Variants in PREX1 observed in about 807,000 individuals in gnomAD.
The protein encoded by PREX1 is phosphatidylinositol 3,4,5-trisphosphate-dependent Rac exchanger 1 protein.
Under a neutral mutation model 198.3 loss-of-function variants are expected in PREX1, and 41 were observed. The ratio of observed to expected loss-of-function variants is 0.21; its 90% CI spans 0.16 to 0.27. PREX1 has a LOEUF of 0.27. Ranked by LOEUF, PREX1 falls within the 10% of genes least tolerant of loss-of-function variation. The pLI, the probability that PREX1 is intolerant of heterozygous loss-of-function variation, is 1.00. For missense variants in PREX1, 1,620 were observed against 2,200.7 expected, an observed-to-expected ratio of 0.74 and a Z score of 5.28; for synonymous variants, 843 against 887.2, an observed-to-expected ratio of 0.95 and a Z score of 0.89.
At chr20:48,741,415 A>G (rs1256603350) in intron 3 of PREX1, among the ~76,000 whole-genome samples, 2 of 152,030 alleles carry the variant, frequency 1.3e-5, no homozygotes, top group East Asian at 3.9e-4. Context: ...GCTGGAGTGC[A>G]GCGGCATGAT....
chr20:48,700,010 C>T (rs760133537), intron 7 of PREX1, among the ~76,000 whole-genome samples: 7 of 152,216 alleles, frequency 4.6e-5, no homozygotes, highest in Non-Finnish European at 1.0e-4. Context: ...CAGCCATCTG[C>T]GCCTCATCCC....
intron 5 of PREX1, among the ~76,000 whole-genome samples, chr20:48,723,888 G>A (rs543641082): frequency 2.6e-5 from 4 of 152,254 alleles, no homozygotes; most frequent in South Asian, 2.1e-4. Context: ...AATATGTCAC[G>A]GAAGCTGCAG....
intron 1 of PREX1, among the ~76,000 whole-genome samples, chr20:48,789,364 T>C (rs2090327118): frequency 6.6e-6 from 1 of 152,212 alleles, no homozygotes; most frequent in Non-Finnish European, 1.5e-5. Flanking sequence ...TGAGTAATAA[T>C]GATGGTAATA....
intron 1 of PREX1, among the ~76,000 whole-genome samples, chr20:48,765,255 G>A (rs994441882): frequency 6.6e-6 from 1 of 152,142 alleles, no homozygotes; most frequent in Non-Finnish European, 1.5e-5. Context: ...TTAGTAAGCT[G>A]CAAAATGCTT....
chr20:48,839,081 G>A, the PREX1 span, among the ~76,000 whole-genome samples: 1 of 151,094 alleles, frequency 6.6e-6, no homozygotes, highest in Non-Finnish European at 1.5e-5. Flanking sequence ...GATAATTATG[G>A]GTGTTTGTTT....
At chr20:48,876,608 G>A in the PREX1 span, among the ~76,000 whole-genome samples, 1 of 152,080 alleles carries the variant, frequency 6.6e-6, no homozygotes, top group Non-Finnish European at 1.5e-5. Context: ...TTTTCTTGTT[G>A]GAAGTCACAT....
intron 1 of PREX1, among the ~76,000 whole-genome samples, chr20:48,771,078 C>T (rs531323588): frequency 1.3e-5 from 2 of 152,150 alleles, no homozygotes; most frequent in South Asian, 2.1e-4. Context: ...GGAAATCACA[C>T]ATTCTGACAG....
At chr20:48,810,847 A>G (rs1386778895) in intron 1 of PREX1, among the ~76,000 whole-genome samples, 1 of 152,084 alleles carries the variant, frequency 6.6e-6, no homozygotes, top group Non-Finnish European at 1.5e-5. Context: ...AGATCGCACC[A>G]CTGCACTCCA....
At chr20:48,867,681 A>G in the PREX1 span, among the ~76,000 whole-genome samples, 1 of 145,710 alleles carries the variant, frequency 6.9e-6, no homozygotes, top group Non-Finnish European at 1.5e-5. Flanking sequence ...AGGCAGGAGA[A>G]TCGCTTGAGA....
At chr20:48,752,596 GGAAACTGAGGCACTC>G (rs1038820183) in intron 1 of PREX1, among the ~76,000 whole-genome samples, 4 of 152,182 alleles carry the variant, frequency 2.6e-5, no homozygotes, top group South Asian at 2.1e-4. Flanking sequence ...AGACAGATGA[GGAAACTGAGGCACTC>G]GATGGACACT....
chr20:48,777,014 T>A (rs1031196709), intron 1 of PREX1, among the ~76,000 whole-genome samples: 3 of 152,184 alleles, frequency 2.0e-5, no homozygotes, highest in African/African-American at 7.2e-5. Context: ...CTCCCGCCCC[T>A]TGGTCCAGTC....
chr20:48,714,468 C>T (rs1304654060), intron 5 of PREX1, among the ~76,000 whole-genome samples: 1 of 152,168 alleles, frequency 6.6e-6, no homozygotes, highest in Non-Finnish European at 1.5e-5. Flanking sequence ...CTTGAACAGA[C>T]ATTTCTCCAA....
intron 1 of PREX1, among the ~76,000 whole-genome samples, chr20:48,754,143 G>A (rs1479148445): frequency 6.6e-6 from 1 of 152,178 alleles, no homozygotes; most frequent in Non-Finnish European, 1.5e-5. Flanking sequence ...GCTGGGAGAG[G>A]CAACTAGAAT....
chr20:48,694,224 G>C (rs2089834227), intron 7 of PREX1, among the ~76,000 whole-genome samples: 1 of 152,146 alleles, frequency 6.6e-6, no homozygotes, highest in African/African-American at 2.4e-5. Context: ...AATTTCTGTT[G>C]TTTAAAAACC....
Position 48,627,632 on chromosome 20 carries a change from T to G in PREX1, c.4870-17A>C. The G allele has an allele frequency of 6.2e-7, 1 of 1,606,874 alleles. No individual in the cohort carries two copies. The highest frequency in any genetic ancestry group is 8.5e-7 in the Non-Finnish European group (1 of 1,177,972). Reference sequence around the variant, plus strand: ...CCTTGGGCCCTGGAAGAAGGAACCATCAGGCAGGGGCCTCTGCAGGTTCAG... The same window carrying G: ...CCTTGGGCCCTGGAAGAAGGAACCAGCAGGCAGGGGCCTCTGCAGGTTCAG... On this transcript the variant is annotated splice_polypyrimidine_tract_variant and intron_variant, in intron 38 of 39. Coordinates refer to ENST00000371941, the MANE Select transcript of PREX1 (RefSeq NM_020820.4).
chr20:48,690,951 G>A lies in PREX1; in HGVS notation c.1182C>T (p.Arg394=), dbSNP rs747984683. The A allele has an allele frequency of 8.1e-6, 13 of 1,613,874 alleles. No individual in the cohort carries two copies. The highest frequency in any genetic ancestry group is 3.3e-5 in the Admixed American group (2 of 60,024). Residue 394 remains arginine, a synonymous_variant, in exon 9 of 40, where the codon CGC becomes CGT. Transcript: ENST00000371941. ...LDAIIREREQ[R]ESLKLGMERD... is the part of the protein sequence containing the mutation. ...CACCCCAAAGCTGCTGCTCACTCTC[G>A]CGCTGCTCCCGCTCGCGGATGATGG...
intron 10 of PREX1, among the ~76,000 whole-genome samples, chr20:48,683,571 T>G (rs2038800458): frequency 6.6e-6 from 1 of 152,120 alleles, no homozygotes; most frequent in South Asian, 2.1e-4. Context: ...GGTCTCAAAC[T>G]TGTAAATAGG....
chr20:48,843,248 C>T, the PREX1 span, among the ~76,000 whole-genome samples: 4,225 of 152,242 alleles, frequency 0.028, 208 homozygotes, highest in African/African-American at 0.097. Context: ...TGTCTAACTT[C>T]GGGCATGGCT....
rs767882480 is a variant in PREX1, at chr20:48,649,290, C to T, written c.3305+10G>A. On this transcript the variant is annotated intron_variant, in intron 25 of 39. Coordinates refer to ENST00000371941, the MANE Select transcript of PREX1 (RefSeq NM_020820.4). The stretch of plus-strand genomic sequence containing the variant: ...CCTGCTCACGCCGGACACCCCCGGC[C>T]AGCGCTCACCTGTTGATCTGGGTGA... 1 of 1,608,538 alleles carries T rather than the reference C, an allele frequency of 6.2e-7. No individual in the cohort carries two copies. Among genetic ancestry groups the T allele is most frequent in the Admixed American group, 1.7e-5 (1 of 59,908 alleles).
Sources: gnomAD v4.1 joint callset for allele counts (sites outside exome capture counted in the v4.1 genomes callset) on GRCh38, gnomAD v4.1.1 for gene constraint, MANE v1.5 for transcripts, NCBI Gene and HGNC (gene_info 2026-07-23, HGNC 2026-07-21) for gene names.